The following DRG2 variants were observed in gnomAD, a reference collection of about 807,000 sequenced individuals.
DRG2 encodes developmentally-regulated GTP-binding protein 2.
A neutral mutation model predicts 53.4 loss-of-function variants in DRG2; 36 were observed. That is an observed-to-expected ratio of 0.67 (90% CI 0.52 to 0.89). The LOEUF is 0.89. Among genes scored for constraint, DRG2 ranks in the 40% least tolerant of loss-of-function variants. DRG2 has a pLI of 0.00. For synonymous variants in DRG2, 167 were observed against 192.1 expected, an observed-to-expected ratio of 0.87 and a Z score of 1.08; for missense variants, 342 against 481.2, an observed-to-expected ratio of 0.71 and a Z score of 2.71.
At position 18,099,752 on chromosome 17, in the gene DRG2, C is replaced by A. The variant is rs1052381577; in HGVS notation, c.467+29C>A. On this transcript the variant is annotated intron_variant, in intron 5 of 12. Transcript: ENST00000225729. The surrounding 1 kb of genome is among the most constrained non-coding windows in gnomAD (Gnocchi z 4.4). ...CGCAGGGTGGGGCATGGGGCAGGCT[C>A]ACATGTCTGGGGAGGGCCAATGTGT... The A allele has an allele frequency of 6.3e-7, 1 of 1,577,896 alleles. No homozygotes were observed. The highest frequency in any genetic ancestry group is 1.2e-5 in the South Asian group (1 of 86,038).
chr17:18,106,410 C>T (rs762795071), intron 11 of DRG2, 23 bp from the exon 12 acceptor site: 10 of 1,613,876 alleles, frequency 6.2e-6, no homozygotes, highest in Non-Finnish European at 8.5e-6. Flanking sequence ...CACCTCTCTA[C>T]CTGACTCTCT....
chr17:18,104,632 A>G lies in DRG2; in HGVS notation c.905A>G (p.Asp302Gly). The G allele has an allele frequency of 6.2e-7, 1 of 1,613,820 alleles. No individual in the cohort carries two copies. Among genetic ancestry groups the G allele is most frequent in the Non-Finnish European group, 8.5e-7 (1 of 1,180,006 alleles). The change falls in exon 11 of 13, where the codon GAC (aspartate) becomes GGC (glycine). Residue 302 changes from aspartate to glycine, a missense_variant. Transcript: ENST00000225729. ...CCATCCTGCCCTGCAGAGAGGCCAGACTTCACAGACGCCATCATTCTCCGG... is the reference window on the plus strand; with the variant it reads ...CCATCCTGCCCTGCAGAGAGGCCAGGCTTCACAGACGCCATCATTCTCCGG... ...IYTKKRGQRP[D>G]FTDAIILRKG... is the part of the protein sequence containing the mutation.
At chr17:18,093,760 C>T (rs1349332194) in intron 1 of DRG2, 53 bp from the exon 2 acceptor site, 2 of 1,588,588 alleles carry the variant, frequency 1.3e-6, no homozygotes, top group South Asian at 1.1e-5. Context: ...TGCCTGACCC[C>T]TGGGCTTGGA....
intron 12 of DRG2, 72 bp from the exon 13 acceptor site, chr17:18,107,082 G>A (rs1311525926): frequency 2.6e-5 from 37 of 1,420,562 alleles, no homozygotes; most frequent in South Asian, 4.6e-5. Context: ...GGACACACAC[G>A]CCCAGGGATA....
chr17:18,090,408 T>A (rs867499622), intron 1 of DRG2, among the ~76,000 whole-genome samples: 151 of 38,862 alleles, frequency 3.9e-3, no homozygotes, highest in East Asian at 6.6e-3. Flanking sequence ...ATATATATAT[T>A]TTTTTTTTTT....
At chr17:18,091,893 C>T (rs1196973829) in intron 1 of DRG2, 1 of 152,126 alleles carries the variant, frequency 6.6e-6, no homozygotes, top group Non-Finnish European at 1.5e-5. Flanking sequence ...TAAGAAGTTA[C>T]TACTGTTAAT....
rs199769378 is a variant in DRG2 at position 18,100,652 on chromosome 17, C to G, written c.624C>G (p.His208Gln). Reference protein sequence around the residue: ...CSEKLVQLILHEYKIFNAEVL... With the variant: ...CSEKLVQLILQEYKIFNAEVL... ...AAAAGCTGGTGCAGCTCATCCTGCA[C>G]GAATACAGTATCCTTCCCTGAAAGA... Residue 208 changes from histidine to glutamine, a missense_variant, in exon 7 of 13, where the codon CAC becomes CAG. Transcript: ENST00000225729. This position sits in a 1 kb window ranked among gnomAD's most constrained non-coding sequence, Gnocchi z 4.1. 8 of 1,613,676 alleles carry G rather than the reference C, an allele frequency of 5.0e-6. No homozygotes were observed. The highest frequency in any genetic ancestry group is 1.3e-5 in the African/African-American group (1 of 74,924).
At chr17:18,094,268 C>T (rs1350262990) in intron 2 of DRG2, 1 of 290,718 alleles carries the variant, frequency 3.4e-6, no homozygotes, top group East Asian at 6.8e-5. Context: ...GGACTAGAGA[C>T]ATAGCATGAA....
In DRG2 at chr17:18,100,546, C is replaced by G. The variant is rs199953602; in HGVS notation, c.541-23C>G. The G allele has an allele frequency of 1.6e-4, 265 of 1,613,918 alleles. No individual in the cohort carries two copies. The highest frequency in any genetic ancestry group is 2.1e-4 in the Non-Finnish European group (250 of 1,179,890). ...TGTGACCCCTCGGTCAGCAGTTCTC[C>G]CCATCCCTTTCTCCTCTTTCAGCCC... is the stretch of plus-strand genomic sequence containing the variant. On this transcript the variant is annotated intron_variant, in intron 6 of 12. Transcript: ENST00000225729. This position sits in a 1 kb window ranked among gnomAD's most constrained non-coding sequence, Gnocchi z 4.1.
chr17:18,095,079 T>C (rs1194772924), intron 2 of DRG2, among the ~76,000 whole-genome samples: 2 of 151,284 alleles, frequency 1.3e-5, no homozygotes, highest in Admixed American at 6.6e-5. Context: ...GATGGAGTCT[T>C]GCTCGGCTCA....
rs1198572512 is a variant in DRG2, at chr17:18,100,262, GAGTC to G, written c.468-96_468-93del. ...TTGCTGGGGAAGGGGGTGGAGGAGA[GAGTC>G]AGTCTCTGGGTGGGCAGTGACATCC... On this transcript the variant is annotated intron_variant, in intron 5 of 12. Coordinates refer to ENST00000225729, the MANE Select transcript of DRG2 (RefSeq NM_001388.5). The surrounding 1 kb of genome is among the most constrained non-coding windows in gnomAD (Gnocchi z 4.1). 9 of 1,204,418 alleles carry G rather than the reference GAGTC, an allele frequency of 7.5e-6. No homozygotes were observed. The highest frequency in any genetic ancestry group is 3.0e-5 in the African/African-American group (2 of 66,886). 74.6% of individuals were successfully genotyped at this position (1,204,418 alleles called of 1,614,324 possible). A position where few individuals can be genotyped will look rare whatever the true frequency, so the allele number is the denominator to read the frequency against.
chr17:18,107,130 C>T, intron 12 of DRG2, 24 bp from the exon 13 acceptor site: 3 of 1,611,666 alleles, frequency 1.9e-6, no homozygotes, highest in East Asian at 4.5e-5. Context: ...TGAGGTGACC[C>T]CTCTGCCCCC....
chr17:18,107,395 C>A lies in DRG2; in HGVS notation c.*155C>A. On this transcript the variant is annotated 3_prime_UTR_variant, in exon 13 of 13. Transcript: ENST00000225729. ...TATTTACAGAAGTTTCTTCAGTAGG[C>A]AGACGAAGAGTGTGTTGGGGCAAAG... The A allele has an allele frequency of 1.4e-6, 1 of 738,348 alleles. No individual in the cohort carries two copies. Among genetic ancestry groups the A allele is most frequent in the East Asian group, 2.7e-5 (1 of 37,058 alleles). 45.7% of individuals were successfully genotyped at this position (738,348 alleles called of 1,614,324 possible).
At chr17:18,104,488 G>T in intron 10 of DRG2, 135 bp from the exon 11 acceptor site, 4 of 1,501,606 alleles carry the variant, frequency 2.7e-6, no homozygotes, top group Non-Finnish European at 3.6e-6. Context: ...GGGTGTGCTG[G>T]ATGTCAGGGG....
chr17:18,100,840 T>G lies in DRG2; in HGVS notation c.631+181T>G, dbSNP rs1183683902. Among the ~76,000 whole-genome samples the G allele has an allele frequency of 6.6e-6, 1 of 152,140 alleles. No individual in the cohort carries two copies. The highest frequency in any genetic ancestry group is 2.4e-5 in the African/African-American group (1 of 41,434). On this transcript the variant is annotated intron_variant, in intron 7 of 12. Coordinates refer to ENST00000225729, the MANE Select transcript of DRG2 (RefSeq NM_001388.5). The surrounding 1 kb of genome is among the most constrained non-coding windows in gnomAD (Gnocchi z 4.1). The stretch of plus-strand genomic sequence containing the variant: ...ACTGCCAGGTCTGCAGCCGTGCACT[T>G]GACAATGGCTTCCTGGCTCCTCACC...
At chr17:18,102,055 C>G in intron 9 of DRG2, 58 bp downstream of exon 9, 1 of 1,541,062 alleles carries the variant, frequency 6.5e-7, no homozygotes, top group Non-Finnish European at 8.8e-7. Flanking sequence ...TGACCCCAGT[C>G]GTCAGGCCTC....
At position 18,103,003 on chromosome 17, in the gene DRG2, A is replaced by G. The variant is rs143944221; in HGVS notation, c.807-798A>G. On this transcript the variant is annotated intron_variant, in intron 9 of 12. Coordinates refer to ENST00000225729, the MANE Select transcript of DRG2 (RefSeq NM_001388.5). This position sits in a 1 kb window ranked among gnomAD's most constrained non-coding sequence, Gnocchi z 4.4. ...GAGAGCTCAGGGACCAAGAGGCTGG[A>G]CAGCGCAAATGATGGATGAGGGTCC... Among the ~76,000 whole-genome samples the G allele has an allele frequency of 7.2e-5, 11 of 152,338 alleles. No individual in the cohort carries two copies. Among genetic ancestry groups the G allele is most frequent in the Non-Finnish European group, 1.5e-4 (10 of 68,032 alleles).
At position 18,101,511 on chromosome 17, in the gene DRG2, T is replaced by G; in HGVS notation, c.650T>G (p.Val217Gly). Reference protein sequence around the residue: ...LHEYKIFNAEVLFREDCSPDE... With the variant: ...LHEYKIFNAEGLFREDCSPDE... ...CCCTCAGAGATCTTCAATGCAGAAG[T>G]GCTTTTCCGAGAAGACTGCTCCCCG... Residue 217 changes from valine (V) to glycine (G), a missense_variant, in exon 8 of 13, where the codon GTG becomes GGG. Val to Gly is a moderately radical substitution (Grantham distance 109, BLOSUM62 -3). Coordinates refer to ENST00000225729, the MANE Select transcript of DRG2 (RefSeq NM_001388.5). 2 of 1,614,094 alleles carry G rather than the reference T, an allele frequency of 1.2e-6. No individual in the cohort carries two copies. Among genetic ancestry groups the G allele is most frequent in the Non-Finnish European group, 1.7e-6 (2 of 1,180,042 alleles).
rs80220069 is a variant in DRG2, at chr17:18,101,806, G to A, written c.730-115G>A. On this transcript the variant is annotated intron_variant, in intron 8 of 12. Transcript: ENST00000225729. ...AACCCTGAGGCAGCAAGGGGAGGAA[G>A]GGCGTAGACTCAGCTCTCCAAGGAA... 4,692 of 1,268,808 alleles carry A rather than the reference G, an allele frequency of 3.7e-3. 99 individuals carry two copies. In the African/African-American group the frequency reaches 0.057, roughly 16 times the overall value. 78.6% of individuals were successfully genotyped at this position (1,268,808 alleles called of 1,614,324 possible).
Sources: gnomAD v4.1 joint callset for allele counts (sites outside exome capture counted in the v4.1 genomes callset) on GRCh38, gnomAD v4.1.1 for gene constraint, Gnocchi (gnomAD v3.1) non-coding constraint, MANE v1.5 for transcripts, NCBI Gene and HGNC (gene_info 2026-07-23, HGNC 2026-07-21) for gene names.